Variants in SUCLG1 observed in about 807,000 individuals in gnomAD.
SUCLG1 encodes the protein succinate--CoA ligase [ADP/GDP-forming] subunit alpha, mitochondrial.
In SUCLG1, 26 loss-of-function variants were observed where a neutral mutation model predicts 37.3. The ratio of observed to expected loss-of-function variants is 0.70; its 90% CI spans 0.51 to 0.97. The LOEUF is 0.97. Ranked by LOEUF, SUCLG1 falls within the 50% of genes least tolerant of loss-of-function variation. SUCLG1 has a pLI of 0.00. For missense variants in SUCLG1, 433 were observed against 432.9 expected (o/e 1.00, Z 0.00); for synonymous variants, 163 against 155.6 (o/e 1.05, Z -0.36).
chr2:84,438,357 G>A (rs776993945), intron 5 of SUCLG1, among the ~76,000 whole-genome samples: 1 of 152,138 alleles, frequency 6.6e-6, no homozygotes, highest in African/African-American at 2.4e-5. Flanking sequence ...TCTATCATAA[G>A]AGAAATAAAT....
intron 2 of SUCLG1, among the ~76,000 whole-genome samples, chr2:84,446,514 C>A (rs1186930106): frequency 6.6e-6 from 1 of 152,096 alleles, no homozygotes; most frequent in Non-Finnish European, 1.5e-5. Context: ...GATTCAAATT[C>A]TTTTTCAAAA....
intron 2 of SUCLG1, among the ~76,000 whole-genome samples, chr2:84,448,540 A>G (rs1415123807): frequency 8.9e-6 from 1 of 112,416 alleles, no homozygotes; most frequent in African/African-American, 3.0e-5. Flanking sequence ...AAAAAAAAAA[A>G]AAAATTGACT....
intron 8 of SUCLG1, among the ~76,000 whole-genome samples, chr2:84,425,151 C>T (rs1428140117): frequency 6.6e-6 from 1 of 152,218 alleles, no homozygotes; most frequent in Admixed American, 6.5e-5. Flanking sequence ...CTTCAAGATG[C>T]TTTTTGTGTA....
chr2:84,435,746 C>G (rs973566610), intron 5 of SUCLG1, among the ~76,000 whole-genome samples: 1 of 152,160 alleles, frequency 6.6e-6, no homozygotes, highest in African/African-American at 2.4e-5. Context: ...CCCTCTCATG[C>G]CCCCCTCATG....
chr2:84,424,911 T>C (rs1303934451), intron 8 of SUCLG1, among the ~76,000 whole-genome samples: 1 of 152,132 alleles, frequency 6.6e-6, no homozygotes, highest in Non-Finnish European at 1.5e-5. Flanking sequence ...TATCACAACA[T>C]AGCCAGGGCC....
intron 6 of SUCLG1, 41 bp from the exon 7 acceptor site, chr2:84,431,700 G>A: frequency 6.2e-7 from 1 of 1,608,400 alleles, no homozygotes; most frequent in Non-Finnish European, 8.5e-7. Context: ...AAATTTAAGG[G>A]TGAACCATGG....
rs1045369195 is a variant in SUCLG1, at chr2:84,449,625, A to G, written c.201+24T>C. 3 of 1,464,268 alleles carry G rather than the reference A, an allele frequency of 2.0e-6. No homozygotes were observed. In the African/African-American group the frequency reaches 4.2e-5, roughly 21 times the overall value. The allele number at this position is 1,464,268 out of a possible 1,614,324, so 90.7% of individuals were successfully genotyped here. On this transcript the variant is annotated intron_variant, in intron 2 of 8. Coordinates refer to ENST00000393868, the MANE Select transcript of SUCLG1 (RefSeq NM_003849.4). Reference sequence around the variant, plus strand: ...TGTTATATCTCTAGTCTACATTTGAAAATAAAAATCTAGATATACATACCT... The same window carrying G: ...TGTTATATCTCTAGTCTACATTTGAGAATAAAAATCTAGATATACATACCT...
chr2:84,447,807 G>T (rs1672872344), intron 2 of SUCLG1, among the ~76,000 whole-genome samples: 1 of 152,040 alleles, frequency 6.6e-6, no homozygotes, highest in South Asian at 2.1e-4. Flanking sequence ...ATGACTCACT[G>T]CAGCCTCAAC....
chr2:84,434,455 G>A (rs6721949), intron 5 of SUCLG1, among the ~76,000 whole-genome samples: 11,235 of 152,184 alleles, frequency 0.074, 1,386 homozygotes, highest in African/African-American at 0.26. Flanking sequence ...TTAGGTGTGC[G>A]CCGAGGGAGG....
chr2:84,432,829 T>C (rs1458608381), intron 6 of SUCLG1: 1 of 152,368 alleles, frequency 6.6e-6, no homozygotes, highest in South Asian at 2.1e-4. Context: ...TTTGTAATTT[T>C]TACTTTTTCA....
intron 6 of SUCLG1, chr2:84,433,059 G>A (rs1672633312): frequency 2.2e-6 from 1 of 454,398 alleles, no homozygotes. Flanking sequence ...CTAATATAAG[G>A]AACCATTTCT....
intron 2 of SUCLG1, among the ~76,000 whole-genome samples, chr2:84,444,943 C>T (rs1672827392): frequency 2.0e-5 from 3 of 152,192 alleles, no homozygotes; most frequent in Non-Finnish European, 4.4e-5. Flanking sequence ...TGCTGTTATC[C>T]TGTTCCTTTT....
intron 8 of SUCLG1, among the ~76,000 whole-genome samples, chr2:84,425,044 C>T (rs957188424): frequency 6.6e-5 from 10 of 152,104 alleles, no homozygotes; most frequent in African/African-American, 2.4e-4. Flanking sequence ...GTCAGGGTGG[C>T]TATATCCCAA....
chr2:84,433,499 CT>C (rs1323227672), intron 5 of SUCLG1, 64 bp from the exon 6 acceptor site: 6 of 1,376,658 alleles, frequency 4.4e-6, no homozygotes, highest in Non-Finnish European at 5.2e-6. Flanking sequence ...ACATGGTAAA[CT>C]AAATTACCAA....
At position 84,441,360 on chromosome 2, in the gene SUCLG1, C is replaced by G; in HGVS notation, c.418G>C (p.Val140Leu). 6.2e-7 allele frequency: 1 copy of G among 1,614,106 alleles called. No homozygotes were observed. The highest frequency in any genetic ancestry group is 2.2e-5 in the East Asian group (1 of 44,878). Residue 140 changes from valine to leucine, a missense_variant, in exon 4 of 9, where the codon GTT becomes CTT. Physicochemically the swap from Val to Leu is conservative, Grantham distance 32. Coordinates refer to ENST00000393868, the MANE Select transcript of SUCLG1 (RefSeq NM_003849.4). ...GGAATTCCTTCAGTGATACACACAA[C>G]CAAGGGAATTTCTGCCTCAATAGCT... ...NEAIEAEIPL[V>L]VCITEGIPQQ...
chr2:84,430,472 A>G (rs1220561025), intron 7 of SUCLG1, among the ~76,000 whole-genome samples: 1 of 152,224 alleles, frequency 6.6e-6, no homozygotes, highest in African/African-American at 2.4e-5. Flanking sequence ...GGTAAACCTG[A>G]GTCATATCTA....
chr2:84,449,890 A>C (rs1573375148), intron 1 of SUCLG1, 138 bp from the exon 2 acceptor site: 4 of 603,278 alleles, frequency 6.6e-6, no homozygotes, highest in East Asian at 2.8e-5. Context: ...GCAAACCTAA[A>C]TGCCACCTTT....
chr2:84,435,047 A>G (rs1672665104), intron 5 of SUCLG1, among the ~76,000 whole-genome samples: 1 of 152,050 alleles, frequency 6.6e-6, no homozygotes, highest in Non-Finnish European at 1.5e-5. Context: ...TTCACGTGGA[A>G]CTCTGCTCTA....
At chr2:84,446,718 A>G (rs1007649774) in intron 2 of SUCLG1, among the ~76,000 whole-genome samples, 18 of 152,052 alleles carry the variant, frequency 1.2e-4, no homozygotes, top group African/African-American at 4.4e-4. Flanking sequence ...GAAGGGAGAG[A>G]GGGAGGGGGA....
Sources: allele counts gnomAD v4.1 joint callset (sites outside exome capture counted in the v4.1 genomes callset), GRCh38; gene constraint gnomAD v4.1.1; transcripts MANE v1.5; gene names NCBI Gene and HGNC (gene_info 2026-07-23, HGNC 2026-07-21).